CSNK1G1: variants seen among roughly 807,000 people sequenced by gnomAD.
CSNK1G1 encodes the protein casein kinase 1 gamma 1, also known as casein kinase I isoform gamma-1.
A neutral mutation model predicts 59.6 loss-of-function variants in CSNK1G1; 22 were observed. The observed-to-expected ratio is 0.37, with a 90% confidence interval of 0.26 to 0.53. CSNK1G1 has a LOEUF of 0.53. Among genes scored for constraint, CSNK1G1 ranks in the 20% least tolerant of loss-of-function variants. The probability of loss-of-function intolerance (pLI) is 0.89; values close to 1 mark genes in which losing one functional copy is unlikely to be tolerated. For synonymous variants in CSNK1G1, 179 were observed against 177.1 expected (o/e 1.01, Z -0.08); for missense variants, 384 against 519.5 (o/e 0.74, Z 2.54).
At chr15:64,297,896 G>A (rs1764573597) in intron 2 of CSNK1G1, among the ~76,000 whole-genome samples, 1 of 152,148 alleles carries the variant, frequency 6.6e-6, no homozygotes, top group Non-Finnish European at 1.5e-5. Flanking sequence ...TGACGGAATG[G>A]GGTATGCAGC....
At chr15:64,250,868 T>C (rs568788025) in intron 4 of CSNK1G1, among the ~76,000 whole-genome samples, 4 of 152,264 alleles carry the variant, frequency 2.6e-5, no homozygotes, top group Admixed American at 1.3e-4. Flanking sequence ...ATAGTGAAAA[T>C]AGCTCTGAAA....
Position 64,350,684 on chromosome 15 carries a change from TAA to T in CSNK1G1, c.-225+5302_-225+5303del, listed in dbSNP as rs1270343212. On this transcript the variant is annotated intron_variant, in intron 1 of 11. Coordinates refer to ENST00000303052, the MANE Select transcript of CSNK1G1 (RefSeq NM_022048.5). ...CTGATAGAGCTGATATTATATAACC[TAA>T]ATCTACTGAGGATTTTTATTTTTAC... is the stretch of plus-strand genomic sequence containing the variant. Among the ~76,000 whole-genome samples, 9 of 152,306 alleles carry T rather than the reference TAA, an allele frequency of 5.9e-5. 1 individual carries two copies. The highest frequency in any genetic ancestry group is 1.9e-4 in the African/African-American group (8 of 41,578).
At chr15:64,195,561 G>C (rs1444775309) in intron 10 of CSNK1G1, among the ~76,000 whole-genome samples, 1 of 152,200 alleles carries the variant, frequency 6.6e-6, no homozygotes, top group Non-Finnish European at 1.5e-5. Flanking sequence ...CAAGCACACT[G>C]AATAAAACCT....
At position 64,259,260 on chromosome 15, in the gene CSNK1G1, GTA is replaced by G. The variant is rs769197688; in HGVS notation, c.182-21_182-20del. 4.5e-6 allele frequency: 7 copies of G among 1,570,196 alleles called. No individual in the cohort carries two copies. The South Asian group carries it at 8.1e-5, about 18-fold the overall frequency. On this transcript the variant is annotated intron_variant, in intron 2 of 11. Transcript: ENST00000303052. ...TTTTTACCTAAGAGGAAAGCAGAAT[GTA>G]TATGTTTTAGTGACATTTATTCTGG...
At chr15:64,287,827 C>G (rs1171262389) in intron 2 of CSNK1G1, among the ~76,000 whole-genome samples, 1 of 152,046 alleles carries the variant, frequency 6.6e-6, no homozygotes, top group African/African-American at 2.4e-5. Flanking sequence ...AAATGTATAA[C>G]ATAGACATCT....
intron 1 of CSNK1G1, among the ~76,000 whole-genome samples, chr15:64,338,662 T>G (rs2140471023): frequency 8.3e-6 from 1 of 119,876 alleles, no homozygotes; most frequent in East Asian, 2.9e-4. Context: ...ATCGTGCCAC[T>G]GCACTCCAGC....
At chr15:64,184,994 T>C (rs182411695) in intron 10 of CSNK1G1, among the ~76,000 whole-genome samples, 1 of 152,354 alleles carries the variant, frequency 6.6e-6, no homozygotes, top group African/African-American at 2.4e-5. Flanking sequence ...CCTTACTTGG[T>C]CCTGAACATT....
intron 10 of CSNK1G1, among the ~76,000 whole-genome samples, chr15:64,185,755 T>C (rs188705258): frequency 2.7e-5 from 4 of 150,914 alleles, no homozygotes; most frequent in Admixed American, 2.6e-4. Context: ...TCCCAGCTGC[T>C]CTAGAGGCTG....
chr15:64,238,919 A>T (rs1417019339), intron 4 of CSNK1G1, among the ~76,000 whole-genome samples: 2 of 152,166 alleles, frequency 1.3e-5, no homozygotes, highest in African/African-American at 4.8e-5. Flanking sequence ...ATTGTGGGGA[A>T]AATGAGAACA....
chr15:64,245,035 A>G (rs187589488), intron 4 of CSNK1G1, among the ~76,000 whole-genome samples: 53 of 152,298 alleles, frequency 3.5e-4, no homozygotes, highest in Admixed American at 2.8e-3. Context: ...TTCAGTAGGG[A>G]AAGGATGGTC....
intron 2 of CSNK1G1, among the ~76,000 whole-genome samples, chr15:64,261,895 T>C (rs1257717884): frequency 7.0e-6 from 1 of 142,764 alleles, no homozygotes; most frequent in Non-Finnish European, 1.5e-5. Context: ...TGAGCCGAGA[T>C]CGCACCATTG....
At chr15:64,280,956 T>C (rs1223186467) in intron 2 of CSNK1G1, among the ~76,000 whole-genome samples, 1 of 152,174 alleles carries the variant, frequency 6.6e-6, no homozygotes, top group Non-Finnish European at 1.5e-5. Context: ...CTTGGCTCAC[T>C]GTAAGCTCCG....
At chr15:64,259,483 T>TAC (rs59936401) in intron 2 of CSNK1G1, among the ~76,000 whole-genome samples, 34,823 of 139,422 alleles carry the variant, frequency 0.25, 4,263 homozygotes, top group East Asian at 0.48. Flanking sequence ...AAATCTCTCT[T>TAC]ACACACACAC....
chr15:64,315,767 T>A (rs549949440), intron 1 of CSNK1G1: 1 of 152,292 alleles, frequency 6.6e-6, no homozygotes, highest in East Asian at 1.9e-4. Flanking sequence ...ACAATTTTTT[T>A]TAAAAAATCT....
intron 1 of CSNK1G1, among the ~76,000 whole-genome samples, chr15:64,338,700 CAAAAAAA>C (rs34206192): frequency 1.6e-4 from 5 of 31,532 alleles, no homozygotes; most frequent in African/African-American, 3.7e-4. Context: ...AACTCGGTCT[CAAAAAAA>C]AAAAAAAAAA....
At chr15:64,294,323 C>T (rs1026187230) in intron 2 of CSNK1G1, among the ~76,000 whole-genome samples, 1 of 152,188 alleles carries the variant, frequency 6.6e-6, no homozygotes, top group Admixed American at 6.5e-5. Flanking sequence ...ATCCGCCCAC[C>T]TCGGCCTCTC....
At chr15:64,220,689 A>G (rs1386601783) in intron 4 of CSNK1G1, among the ~76,000 whole-genome samples, 2 of 151,890 alleles carry the variant, frequency 1.3e-5, no homozygotes, top group Admixed American at 6.6e-5. Context: ...CCTCCTGAGT[A>G]GCTGGGACTA....
At chr15:64,196,174 G>A (rs1239321387) in intron 10 of CSNK1G1, among the ~76,000 whole-genome samples, 1 of 152,030 alleles carries the variant, frequency 6.6e-6, no homozygotes, top group Non-Finnish European at 1.5e-5. Flanking sequence ...CTGTGATCAC[G>A]CCACTACACT....
At position 64,165,844 on chromosome 15, in the gene CSNK1G1, A is replaced by T. The variant is rs1452233280; in HGVS notation, c.*6087T>A. 9.4e-6 allele frequency: 4 copies of T among 426,820 alleles called. No individual in the cohort carries two copies. Among genetic ancestry groups the T allele is most frequent in the African/African-American group, 8.2e-5 (4 of 48,958 alleles). The allele number at this position is 426,820 out of a possible 1,614,324, so 26.4% of individuals were successfully genotyped here. The stretch of plus-strand genomic sequence containing the variant: ...CTTAAAGATCACATTTGTGTTTTCC[A>T]TGGTGCCCTAGGAAATGGGCTACTC... On this transcript the variant is annotated 3_prime_UTR_variant, in exon 12 of 12. Transcript: ENST00000303052.
Sources: allele counts gnomAD v4.1 joint callset (sites outside exome capture counted in the v4.1 genomes callset), GRCh38; gene constraint gnomAD v4.1.1; transcripts MANE v1.5; gene names NCBI Gene and HGNC (gene_info 2026-07-23, HGNC 2026-07-21).